Variants in SMC5 observed in about 807,000 individuals in gnomAD.
SMC5 encodes the protein structural maintenance of chromosomes protein 5.
In SMC5, 88 loss-of-function variants were observed where a neutral mutation model predicts 148.3. The ratio of observed to expected loss-of-function variants is 0.59; its 90% CI spans 0.50 to 0.71. SMC5 has a LOEUF of 0.71. SMC5 is among the 30% of genes least tolerant of loss of function. The pLI, the probability that SMC5 is intolerant of heterozygous loss-of-function variation, is 0.00. For synonymous variants in SMC5, 421 were observed against 432.8 expected, an observed-to-expected ratio of 0.97 and a Z score of 0.34; for missense variants, 1,142 against 1,298.9, an observed-to-expected ratio of 0.88 and a Z score of 1.86.
chr9:70,350,065 A>G, intron 22 of SMC5, 49 bp from the exon 23 acceptor site: 1 of 1,344,352 alleles, frequency 7.4e-7, no homozygotes, highest in Non-Finnish European at 1.0e-6. Context: ...TAATAGAATG[A>G]CATTACCAGA....
At chr9:70,282,692 T>G (rs1312897557) in intron 7 of SMC5, 109 bp downstream of exon 7, 18 of 1,138,290 alleles carry the variant, frequency 1.6e-5, no homozygotes, top group Non-Finnish European at 2.0e-5. Flanking sequence ...TATCTTTCAT[T>G]TCTTAAGTTT....
At chr9:70,287,561 G>C (rs2034941955) in intron 8 of SMC5, among the ~76,000 whole-genome samples, 1 of 152,148 alleles carries the variant, frequency 6.6e-6, no homozygotes, top group South Asian at 2.1e-4. Context: ...TGTAACTTCA[G>C]GCATTTCTGA....
chr9:70,337,053 T>C (rs1015360121), intron 17 of SMC5, among the ~76,000 whole-genome samples: 1 of 152,116 alleles, frequency 6.6e-6, no homozygotes, highest in Admixed American at 6.6e-5. Context: ...TGAGACTTAC[T>C]GTCATGAGAA....
At chr9:70,329,523 T>G (rs773904912) in intron 17 of SMC5, among the ~76,000 whole-genome samples, 2 of 152,158 alleles carry the variant, frequency 1.3e-5, no homozygotes, top group Non-Finnish European at 2.9e-5. Context: ...TACTCGAGTT[T>G]CCAATAAGTT....
intron 15 of SMC5, 36 bp downstream of exon 15, chr9:70,318,999 T>G: frequency 6.4e-7 from 1 of 1,550,538 alleles, no homozygotes; most frequent in Non-Finnish European, 8.7e-7. Context: ...AGAGCACAAA[T>G]TACTGTATGG....
At chr9:70,344,821 T>C (rs763431154) in intron 18 of SMC5, 15 of 152,132 alleles carry the variant, frequency 9.9e-5, no homozygotes, top group Non-Finnish European at 2.2e-4. Flanking sequence ...TTTGCCTAGA[T>C]ACCTATTCAG....
intron 12 of SMC5, 72 bp from the exon 13 acceptor site, chr9:70,315,373 GT>G: frequency 5.0e-6 from 5 of 992,902 alleles, no homozygotes; most frequent in Non-Finnish European, 7.2e-6. Flanking sequence ...TTGTTTATTG[GT>G]GGCTTATCAA....
chr9:70,300,882 T>G (rs926983940), intron 10 of SMC5, among the ~76,000 whole-genome samples: 4 of 152,134 alleles, frequency 2.6e-5, no homozygotes, highest in Non-Finnish European at 5.9e-5. Flanking sequence ...ATCCTAAGAT[T>G]ACATAAGGAT....
At chr9:70,343,147 CTTT>C (rs11438728) in intron 17 of SMC5, among the ~76,000 whole-genome samples, 2 of 141,604 alleles carry the variant, frequency 1.4e-5, no homozygotes, top group Non-Finnish European at 1.5e-5. Context: ...CTTTCAGTCT[CTTT>C]TTTTTTTTTT....
intron 7 of SMC5, among the ~76,000 whole-genome samples, chr9:70,284,754 T>G (rs1226462529): frequency 1.3e-5 from 2 of 152,234 alleles, no homozygotes; most frequent in African/African-American, 4.8e-5. Context: ...TGGTACCTTA[T>G]GTCAGTCTAT....
At chr9:70,313,917 C>T (rs1318060746) in intron 11 of SMC5, among the ~76,000 whole-genome samples, 1 of 152,108 alleles carries the variant, frequency 6.6e-6, no homozygotes, top group Non-Finnish European at 1.5e-5. Flanking sequence ...TGGATTTAAA[C>T]TCCAAACTCT....
intron 17 of SMC5, among the ~76,000 whole-genome samples, chr9:70,326,180 A>G (rs1369412099): frequency 6.6e-6 from 1 of 152,162 alleles, no homozygotes; most frequent in African/African-American, 2.4e-5. Context: ...TGTGAGAGGT[A>G]CATCTAAAAG....
intron 5 of SMC5, among the ~76,000 whole-genome samples, chr9:70,279,020 A>G (rs544883549): frequency 8.5e-5 from 13 of 152,130 alleles, no homozygotes; most frequent in Non-Finnish European, 1.6e-4. Flanking sequence ...CCGTTGAACC[A>G]ATTCTCTCAT....
At chr9:70,333,435 G>A (rs1384267861) in intron 17 of SMC5, among the ~76,000 whole-genome samples, 6 of 151,866 alleles carry the variant, frequency 4.0e-5, no homozygotes, top group East Asian at 3.9e-4. Flanking sequence ...TCACCACTGC[G>A]CTTCAGCCTC....
chr9:70,270,642 ATTTTTTTTTTTT>A (rs71364589), intron 3 of SMC5, among the ~76,000 whole-genome samples: 4 of 103,812 alleles, frequency 3.9e-5, no homozygotes, highest in African/African-American at 1.5e-4. Flanking sequence ...AGACTAAATA[ATTTTTTTTTTTT>A]TTTTTTTTTT....
At chr9:70,268,137 A>T (rs912616828) in intron 3 of SMC5, among the ~76,000 whole-genome samples, 162 bp downstream of exon 3, 1 of 152,200 alleles carries the variant, frequency 6.6e-6, no homozygotes, top group Non-Finnish European at 1.5e-5. Flanking sequence ...GGGTTTAAAA[A>T]ATATATTTTA....
intron 15 of SMC5, among the ~76,000 whole-genome samples, chr9:70,319,343 T>A (rs1347451443): frequency 6.6e-6 from 1 of 152,192 alleles, no homozygotes; most frequent in Non-Finnish European, 1.5e-5. Context: ...ATTTTAAAAA[T>A]AAACCCATTA....
At chr9:70,299,099 A>G (rs2035286780) in intron 9 of SMC5, among the ~76,000 whole-genome samples, 1 of 151,678 alleles carries the variant, frequency 6.6e-6, no homozygotes, top group African/African-American at 2.4e-5. Flanking sequence ...ACTCCCTCGC[A>G]CCCTTGCTTT....
chr9:70,350,095 C>T lies in SMC5; in HGVS notation c.2890-19C>T, dbSNP rs1564076196. The T allele has an allele frequency of 6.5e-7, 1 of 1,546,248 alleles. No homozygotes were observed. Among genetic ancestry groups the T allele is most frequent in the South Asian group, 1.2e-5 (1 of 84,162 alleles). On this transcript the variant is annotated intron_variant, in intron 22 of 24. Coordinates refer to ENST00000361138, the MANE Select transcript of SMC5 (RefSeq NM_015110.4). ...ACCAGAGGAAACTCATTTTTCATCA[C>T]TTTTTAAATGTTTTATAGGAAGATT...
Sources: gnomAD v4.1 joint callset for allele counts (sites outside exome capture counted in the v4.1 genomes callset) on GRCh38, gnomAD v4.1.1 for gene constraint, MANE v1.5 for transcripts, NCBI Gene and HGNC (gene_info 2026-07-23, HGNC 2026-07-21) for gene names.